The following UMAD1 variants were observed in gnomAD, a reference collection of about 807,000 sequenced individuals.
UMAD1 encodes UBAP1-MVB12-associated (UMA)-domain containing protein 1.
Under a neutral mutation model 6.1 loss-of-function variants are expected in UMAD1, and 8 were observed. That is an observed-to-expected ratio of 1.30 (90% CI 0.76 to 2.35). The LOEUF is 2.35. Among genes scored for constraint, UMAD1 ranks in the 30% most tolerant of loss-of-function variants. The pLI is 0.00. For synonymous variants in UMAD1, 56 were observed against 31.4 expected, an observed-to-expected ratio of 1.78 and a Z score of -2.61; for missense variants, 130 against 78.4, an observed-to-expected ratio of 1.66 and a Z score of -2.49.
At chr7:7,811,206 CTGA>C (rs61425278) in intron 3 of UMAD1, among the ~76,000 whole-genome samples, 2,099 of 152,282 alleles carry the variant, frequency 0.014, 48 homozygotes, top group African/African-American at 0.049. Flanking sequence ...TGATAATTAG[CTGA>C]TGAGAACATA....
chr7:7,852,058 A>C (rs1034009596), intron 3 of UMAD1, among the ~76,000 whole-genome samples: 25 of 152,108 alleles, frequency 1.6e-4, no homozygotes, highest in African/African-American at 6.0e-4. Flanking sequence ...ATATGGTTTG[A>C]GATAAGGGTC....
intron 2 of UMAD1, among the ~76,000 whole-genome samples, chr7:7,775,374 G>A (rs1782182744): frequency 6.6e-6 from 1 of 152,186 alleles, no homozygotes; most frequent in African/African-American, 2.4e-5. Context: ...TTTCCACCAT[G>A]CTGTTCTCAT....
intron 2 of UMAD1, chr7:7,735,671 AAGTGGTGGGATT>A (rs1563165233): frequency 1.3e-5 from 2 of 152,240 alleles, no homozygotes; most frequent in African/African-American, 4.8e-5. Context: ...TGGCCTCCCA[AAGTGGTGGGATT>A]ACAGGCGTCA....
intron 2 of UMAD1, among the ~76,000 whole-genome samples, chr7:7,796,236 T>TTTTC (rs1563213119): frequency 7.5e-6 from 1 of 133,066 alleles, no homozygotes; most frequent in Non-Finnish European, 1.5e-5. Flanking sequence ...CCCATTTCTA[T>TTTTC]TTTCTTTCTT....
chr7:7,668,706 A>T (rs1426376063), intron 1 of UMAD1, among the ~76,000 whole-genome samples: 1 of 152,228 alleles, frequency 6.6e-6, no homozygotes, highest in Admixed American at 6.5e-5. Flanking sequence ...ATAAAGATAA[A>T]AACTTTTCTA....
intron 2 of UMAD1, among the ~76,000 whole-genome samples, chr7:7,717,066 T>TTTC (rs1780931551): frequency 1.3e-5 from 2 of 150,976 alleles, no homozygotes; most frequent in African/African-American, 4.9e-5. Flanking sequence ...TTTTCTTTTT[T>TTTC]TTTTTTTTGA....
intron 2 of UMAD1, among the ~76,000 whole-genome samples, chr7:7,775,950 A>C (rs1782197208): frequency 6.6e-6 from 1 of 152,118 alleles, no homozygotes; most frequent in South Asian, 2.1e-4. Context: ...ATACAAGGAA[A>C]CTTTTCAGGG....
intron 3 of UMAD1, among the ~76,000 whole-genome samples, chr7:7,876,542 T>C (rs1254596654): frequency 6.6e-6 from 1 of 152,178 alleles, no homozygotes; most frequent in Non-Finnish European, 1.5e-5. Flanking sequence ...TATTGATTGA[T>C]ATTTAGGTGA....
At chr7:7,810,399 G>A (rs1782999716) in intron 3 of UMAD1, among the ~76,000 whole-genome samples, 1 of 151,948 alleles carries the variant, frequency 6.6e-6, no homozygotes. Flanking sequence ...CAAGTTGTAT[G>A]CTAAAAAAGA....
At chr7:7,737,103 T>C (rs1327782480) in intron 2 of UMAD1, among the ~76,000 whole-genome samples, 3 of 152,252 alleles carry the variant, frequency 2.0e-5, no homozygotes, top group African/African-American at 7.2e-5. Flanking sequence ...CTGTCGTCTT[T>C]TGGAGAGAAA....
rs76051178 is a variant in UMAD1 at position 7,670,271 on chromosome 7, A to G, written c.-63-3038A>G. Among the ~76,000 whole-genome samples the G allele has an allele frequency of 2.0e-4, 30 of 152,310 alleles. No homozygotes were observed. In the East Asian group the frequency reaches 4.2e-3, roughly 22 times the overall value. On this transcript the variant is annotated intron_variant, in intron 1 of 3. Coordinates refer to ENST00000682710, the MANE Select transcript of UMAD1 (RefSeq NM_001302348.2). ...ATTTCTGACTTGTGGCCAGACATCA[A>G]AAGGCATTGGAAATTTGAGTCCTTC...
chr7:7,743,246 T>C (rs1781508919), intron 2 of UMAD1, among the ~76,000 whole-genome samples: 1 of 152,184 alleles, frequency 6.6e-6, no homozygotes, highest in Non-Finnish European at 1.5e-5. Context: ...TAAAATGTAG[T>C]GTGAATTGTT....
chr7:7,690,732 A>G (rs1317090910), intron 2 of UMAD1, among the ~76,000 whole-genome samples: 2 of 152,154 alleles, frequency 1.3e-5, no homozygotes, highest in African/African-American at 2.4e-5. Context: ...GTATTGAGCT[A>G]CCTTATATGA....
At chr7:7,759,441 G>A (rs1781841684) in intron 2 of UMAD1, among the ~76,000 whole-genome samples, 1 of 152,214 alleles carries the variant, frequency 6.6e-6, no homozygotes, top group Non-Finnish European at 1.5e-5. Flanking sequence ...TAAGAGTCCG[G>A]TTACATCGAG....
At chr7:7,690,183 T>G (rs773889442) in intron 2 of UMAD1, among the ~76,000 whole-genome samples, 1 of 152,204 alleles carries the variant, frequency 6.6e-6, no homozygotes, top group Non-Finnish European at 1.5e-5. Flanking sequence ...GATAATGTAG[T>G]CTTTAACTAG....
At chr7:7,823,606 G>A (rs2881964) in intron 3 of UMAD1, among the ~76,000 whole-genome samples, 118,815 of 152,030 alleles carry the variant, frequency 0.78, 46,605 homozygotes, top group African/African-American at 0.84. Flanking sequence ...AATTGGGCAG[G>A]CTCTATTCAC....
chr7:7,779,691 C>A (rs555438852), intron 2 of UMAD1, among the ~76,000 whole-genome samples: 4 of 152,132 alleles, frequency 2.6e-5, no homozygotes, highest in Non-Finnish European at 5.9e-5. Flanking sequence ...GCCATCCAGG[C>A]TGAAGTGCAG....
Position 7,789,983 on chromosome 7 carries a change from A to G in UMAD1, c.83-11687A>G, listed in dbSNP as rs75802647. On this transcript the variant is annotated intron_variant, in intron 2 of 3. Transcript: ENST00000682710. ...GGGAACATTTACTTAGTGAGCCCCA[A>G]TCTTCTTACAGAGTTATTTATTTTT... Among the ~76,000 whole-genome samples the G allele has an allele frequency of 4.0e-3, 610 of 152,250 alleles. 4 individuals carry two copies. The highest frequency in any genetic ancestry group is 0.014 in the African/African-American group (586 of 41,528).
rs1781461958 is a variant in UMAD1, at chr7:7,741,433, T to C, written c.83-60237T>C. On this transcript the variant is annotated intron_variant, in intron 2 of 3. Transcript: ENST00000682710. ...GAAAATACAAAAAATTAGCTGGGCG[T>C]GGTGGCGTGCGCCTGTAGTCGTAGT... Among the ~76,000 whole-genome samples, 3 of 151,830 alleles carry C rather than the reference T, an allele frequency of 2.0e-5. No homozygotes were observed. In the South Asian group the frequency reaches 6.2e-4, roughly 32 times the overall value.
Sources: gnomAD v4.1 joint callset for allele counts (sites outside exome capture counted in the v4.1 genomes callset) on GRCh38, gnomAD v4.1.1 for gene constraint, MANE v1.5 for transcripts, NCBI Gene and HGNC (gene_info 2026-07-23, HGNC 2026-07-21) for gene names.